Variants in TNR observed in about 807,000 individuals in gnomAD.
TNR encodes the protein tenascin R, also known as tenascin-R.
TNR carries 45 observed loss-of-function variants against 150.4 expected under a neutral mutation model. That is an observed-to-expected ratio of 0.30 (90% CI 0.24 to 0.38). The LOEUF is 0.38. Among genes scored for constraint, TNR ranks in the 10% least tolerant of loss-of-function variants. TNR has a pLI of 1.00. For missense variants in TNR, 1,544 were observed against 1,759.1 expected (o/e 0.88, Z 2.19); for synonymous variants, 687 against 678.4 (o/e 1.01, Z -0.20).
intron 6 of TNR, among the ~76,000 whole-genome samples, chr1:175,393,019 G>A (rs1333811227): frequency 1.3e-5 from 2 of 152,136 alleles, no homozygotes; most frequent in Admixed American, 6.6e-5. Flanking sequence ...TGATGTTGAA[G>A]AATAAAGACA....
chr1:175,586,353 C>A lies in TNR; in HGVS notation c.-164-57984G>T, dbSNP rs542427295. On this transcript the variant is annotated intron_variant, in intron 1 of 22. Transcript: ENST00000367674. ...CTACCCCCTTCTCTTTTCTGGACAACTTTCCTTATACTTTTTTTTCCCCTG... is the reference window on the plus strand; with the variant it reads ...CTACCCCCTTCTCTTTTCTGGACAAATTTCCTTATACTTTTTTTTCCCCTG... Among the ~76,000 whole-genome samples, 4 of 152,176 alleles carry A rather than the reference C, an allele frequency of 2.6e-5. No individual in the cohort carries two copies. In the South Asian group the frequency reaches 8.3e-4, roughly 32 times the overall value.
rs776031455 is a variant in TNR, at chr1:175,363,797, C to T, written c.2618G>A (p.Ser873Asn). The change falls in exon 13 of 23, where the codon AGC (serine) becomes AAC (asparagine). Residue 873 changes from serine (S) to asparagine (N), a missense_variant. Coordinates refer to ENST00000367674, the MANE Select transcript of TNR (RefSeq NM_003285.3). The stretch of plus-strand genomic sequence containing the variant: ...CATCACTGAGTCCTTGGTCACATTG[C>T]TAATTGTGATGTCTTTTGGGGGATC... ...GIDPPKDITI[S>N]NVTKDSVMVS... is the part of the protein sequence containing the mutation. 3.1e-6 allele frequency: 5 copies of T among 1,613,432 alleles called. No individual in the cohort carries two copies. Among genetic ancestry groups the T allele is most frequent in the South Asian group, 2.2e-5 (2 of 90,960 alleles).
chr1:175,421,368 GATTGCTGCAGGGAAATC>G (rs1286262012), intron 2 of TNR, among the ~76,000 whole-genome samples: 11 of 152,222 alleles, frequency 7.2e-5, no homozygotes. Flanking sequence ...TATCAAACAG[GATTGCTGCAGGGAAATC>G]ATTATAAAAG....
chr1:175,655,027 G>T (rs967429250), intron 1 of TNR, among the ~76,000 whole-genome samples: 4 of 152,028 alleles, frequency 2.6e-5, no homozygotes, highest in African/African-American at 7.2e-5. Flanking sequence ...CAGCCCAAAA[G>T]GTCCCTTCTA....
intron 18 of TNR, among the ~76,000 whole-genome samples, chr1:175,351,349 A>G (rs1045667058): frequency 6.6e-6 from 1 of 152,206 alleles, no homozygotes; most frequent in Non-Finnish European, 1.5e-5. Flanking sequence ...TAATATTACC[A>G]TGCAAATGAC....
At chr1:175,371,934 C>T (rs1652124264) in intron 9 of TNR, among the ~76,000 whole-genome samples, 1 of 152,138 alleles carries the variant, frequency 6.6e-6, no homozygotes, top group African/African-American at 2.4e-5. Flanking sequence ...TTGTCCCCTC[C>T]AAATCTCATA....
chr1:175,461,515 T>C (rs1451501211), intron 2 of TNR, among the ~76,000 whole-genome samples: 1 of 152,196 alleles, frequency 6.6e-6, no homozygotes, highest in Non-Finnish European at 1.5e-5. Flanking sequence ...CTTAGTTCTC[T>C]ACTCAAATAA....
At chr1:175,711,453 T>C (rs1667011624) in intron 1 of TNR, among the ~76,000 whole-genome samples, 2 of 152,090 alleles carry the variant, frequency 1.3e-5, no homozygotes, top group Non-Finnish European at 2.9e-5. Flanking sequence ...TGGGAGATGA[T>C]AAGAGGCGTA....
intron 2 of TNR, among the ~76,000 whole-genome samples, chr1:175,454,733 G>A (rs4652093): frequency 0.54 from 81,264 of 151,890 alleles, 22,580 homozygotes; most frequent in Non-Finnish European, 0.61. Flanking sequence ...CGGCCTCCCA[G>A]AGTGCTGGGA....
At chr1:175,596,031 C>T (rs1558028750) in intron 1 of TNR, among the ~76,000 whole-genome samples, 1 of 152,012 alleles carries the variant, frequency 6.6e-6, no homozygotes, top group Non-Finnish European at 1.5e-5. Flanking sequence ...CTCTATTGGT[C>T]TAAGAAAATC....
chr1:175,342,240 C>G (rs1032537040), intron 18 of TNR, among the ~76,000 whole-genome samples: 1 of 152,104 alleles, frequency 6.6e-6, no homozygotes, highest in Non-Finnish European at 1.5e-5. Context: ...TGTGGGCGTG[C>G]AATGATGCCT....
intron 1 of TNR, among the ~76,000 whole-genome samples, chr1:175,647,415 A>G (rs1664840236): frequency 6.8e-6 from 1 of 147,226 alleles, no homozygotes; most frequent in Non-Finnish European, 1.5e-5. Flanking sequence ...ATTTGAAAAT[A>G]CGCTTGTTAC....
chr1:175,692,316 G>A (rs1374530398), intron 1 of TNR, among the ~76,000 whole-genome samples: 1 of 152,212 alleles, frequency 6.6e-6, no homozygotes, highest in Non-Finnish European at 1.5e-5. Context: ...GTCTTGTGCA[G>A]CTAGACATGG....
rs772873209 is a variant in TNR at position 175,359,701 on chromosome 1, G to A, written c.2885C>T (p.Thr962Ile). The A allele has an allele frequency of 6.2e-7, 1 of 1,613,584 alleles. No homozygotes were observed. The highest frequency in any genetic ancestry group is 8.5e-7 in the Non-Finnish European group (1 of 1,179,772). ...CAGGGCTTCTGTTGGAGTGATATTG[G>A]TAGCAATCAGATCCACAGGGTTGTC... is the stretch of plus-strand genomic sequence containing the variant. ...AMDNPVDLIA[T>I]NITPTEALLQ... The change falls in exon 15 of 23, where the codon ACC (threonine) becomes ATC (isoleucine). Residue 962 changes from threonine to isoleucine, a missense_variant. By Grantham distance (89) the Thr-to-Ile change is moderately conservative (BLOSUM62 -1). Coordinates refer to ENST00000367674, the MANE Select transcript of TNR (RefSeq NM_003285.3).
chr1:175,474,493 A>T (rs1458533105), intron 2 of TNR, among the ~76,000 whole-genome samples: 1 of 152,136 alleles, frequency 6.6e-6, no homozygotes, highest in Non-Finnish European at 1.5e-5. Flanking sequence ...GAGAAAAGAC[A>T]TTTCTGTTGT....
intron 1 of TNR, among the ~76,000 whole-genome samples, chr1:175,727,911 G>A (rs866071063): frequency 3.7e-4 from 56 of 152,352 alleles, no homozygotes; most frequent in African/African-American, 1.3e-3. Flanking sequence ...AAATAAAATT[G>A]TGGAGGCAGG....
intron 1 of TNR, among the ~76,000 whole-genome samples, chr1:175,557,276 A>G (rs6676681): frequency 0.67 from 101,819 of 152,108 alleles, 34,254 homozygotes; most frequent in Admixed American, 0.74. Flanking sequence ...AAAGCCATGC[A>G]CAGACTCCTG....
intron 1 of TNR, among the ~76,000 whole-genome samples, chr1:175,709,624 C>T (rs1000664164): frequency 1.3e-5 from 2 of 152,180 alleles, no homozygotes; most frequent in Non-Finnish European, 2.9e-5. Flanking sequence ...GCTCATTCCC[C>T]TAACAGGCCA....
At position 175,465,513 on chromosome 1, in the gene TNR, T is replaced by A. The variant is rs114139786; in HGVS notation, c.-63-58736A>T. Among the ~76,000 whole-genome samples, 496 of 152,330 alleles carry A rather than the reference T, an allele frequency of 3.3e-3. 3 individuals are homozygous for A. The highest frequency in any genetic ancestry group is 0.011 in the African/African-American group (440 of 41,568). On this transcript the variant is annotated intron_variant, in intron 2 of 22. Transcript: ENST00000367674. ...TTTCAGAAGTAAGAAGATGCTTGCT[T>A]TTCCCCTGGAGTCAGCAGGGCCTTG...
Sources: allele counts gnomAD v4.1 joint callset (sites outside exome capture counted in the v4.1 genomes callset), GRCh38; gene constraint gnomAD v4.1.1; transcripts MANE v1.5; gene names NCBI Gene and HGNC (gene_info 2026-07-23, HGNC 2026-07-21).